Variants in THOC1 observed in about 807,000 individuals in gnomAD.
THOC1 encodes the protein THO complex subunit 1.
Under a neutral mutation model 97.3 loss-of-function variants are expected in THOC1, and 29 were observed. The observed-to-expected ratio is 0.30, with a 90% CI of 0.22 to 0.41. The LOEUF (loss-of-function observed/expected upper bound fraction) is 0.41, where lower values mean the gene tolerates loss of function less well. Ranked by LOEUF, THOC1 falls within the 10% of genes least tolerant of loss-of-function variation. The probability of loss-of-function intolerance (pLI) is 1.00; values close to 1 mark genes in which losing one functional copy is unlikely to be tolerated. For missense variants in THOC1, 529 were observed against 761.9 expected, an observed-to-expected ratio of 0.69 and a Z score of 3.60; for synonymous variants, 255 against 257.0, an observed-to-expected ratio of 0.99 and a Z score of 0.07.
intron 18 of THOC1, among the ~76,000 whole-genome samples, chr18:218,561 A>C (rs1910972615): frequency 6.6e-6 from 1 of 152,224 alleles, no homozygotes. Flanking sequence ...TAAGGGGAAC[A>C]GGATAGGTTA....
At chr18:236,350 C>CTTTTTTT (rs71174215) in intron 11 of THOC1, among the ~76,000 whole-genome samples, 1 of 88,374 alleles carries the variant, frequency 1.1e-5, no homozygotes. Flanking sequence ...GAATAAGATT[C>CTTTTTTT]TTTTTTTTTT....
At chr18:246,821 A>G (rs966352742) in intron 10 of THOC1, among the ~76,000 whole-genome samples, 2 of 151,584 alleles carry the variant, frequency 1.3e-5, no homozygotes, top group African/African-American at 2.4e-5. Context: ...GACTAAAAAT[A>G]CAAAAATTAG....
intron 11 of THOC1, among the ~76,000 whole-genome samples, chr18:241,676 G>A (rs1911906699): frequency 6.6e-6 from 1 of 152,178 alleles, no homozygotes; most frequent in African/African-American, 2.4e-5. Context: ...TCTTTTCTGT[G>A]AGAACTTAAA....
In THOC1 at chr18:225,118, C is replaced by T. The variant is rs749332430; in HGVS notation, c.1108G>A (p.Asp370Asn). The T allele has an allele frequency of 1.2e-5, 19 of 1,576,854 alleles. No homozygotes were observed. The highest frequency in any genetic ancestry group is 7.0e-5 in the South Asian group (6 of 86,036). ...VYQLLSENPP[D>N]GERFSKMVEH... ...ACCATCTTTGAAAATCTTTCTCCAT[C>T]GGGGGGGTTTTCAGATAGTAGCTGT... Residue 370 changes from aspartate (D) to asparagine (N), a missense_variant, in exon 14 of 21, where the codon GAT becomes AAT. Physicochemically the swap from Asp to Asn is conservative, Grantham distance 23. Coordinates refer to ENST00000261600, the MANE Select transcript of THOC1 (RefSeq NM_005131.3).
At chr18:230,734 TTTCA>T (rs374504837) in intron 11 of THOC1, among the ~76,000 whole-genome samples, 21 of 152,266 alleles carry the variant, frequency 1.4e-4, no homozygotes, top group African/African-American at 5.1e-4. Context: ...GGGTCAAACA[TTTCA>T]TTATTATTAT....
chr18:217,717 C>A (rs531088955), intron 18 of THOC1, among the ~76,000 whole-genome samples: 2 of 152,136 alleles, frequency 1.3e-5, no homozygotes, highest in South Asian at 4.1e-4. Flanking sequence ...ATAAAAACCA[C>A]GAGAATGCAA....
intron 17 of THOC1, among the ~76,000 whole-genome samples, chr18:222,369 T>TA (rs759765138): frequency 2.6e-5 from 4 of 152,238 alleles, no homozygotes; most frequent in Non-Finnish European, 5.9e-5. Flanking sequence ...ACAGCTTTTT[T>TA]ACTGGGGACT....
At chr18:226,517 G>A (rs996278573) in intron 12 of THOC1, 1 of 295,268 alleles carries the variant, frequency 3.4e-6, no homozygotes, top group African/African-American at 2.2e-5. Context: ...AGGTGAGAAG[G>A]GAATGACGGA....
intron 18 of THOC1, among the ~76,000 whole-genome samples, chr18:217,353 T>C (rs1228884457): frequency 1.3e-5 from 2 of 152,236 alleles, no homozygotes; most frequent in Non-Finnish European, 2.9e-5. Flanking sequence ...CTCTGACATA[T>C]CTGTTTAGAC....
At chr18:228,714 A>AGGT (rs2143183872) in intron 11 of THOC1, among the ~76,000 whole-genome samples, 1 of 152,314 alleles carries the variant, frequency 6.6e-6, no homozygotes, top group South Asian at 2.1e-4. Context: ...GCAACCTTGA[A>AGGT]TAAACCAACT....
At chr18:228,226 T>G (rs1441123869) in intron 11 of THOC1, among the ~76,000 whole-genome samples, 7 of 152,148 alleles carry the variant, frequency 4.6e-5, no homozygotes, top group Non-Finnish European at 2.9e-5. Context: ...GCCCCAGATC[T>G]GAAGTCTTCA....
At chr18:227,026 A>G (rs569249742) in intron 11 of THOC1, 125 bp from the exon 12 acceptor site, 80 of 741,692 alleles carry the variant, frequency 1.1e-4, no homozygotes, top group Non-Finnish European at 1.7e-4. Flanking sequence ...ATTTGTTGAG[A>G]GTTCACTGCA....
At chr18:216,260 A>C (rs1470707925) in intron 19 of THOC1, 1 of 489,208 alleles carries the variant, frequency 2.0e-6, no homozygotes, top group Non-Finnish European at 3.6e-6. Flanking sequence ...AGCCCTGTTG[A>C]ACTTTAAATT....
At chr18:221,896 C>A (rs1298826527) in intron 17 of THOC1, among the ~76,000 whole-genome samples, 1 of 152,152 alleles carries the variant, frequency 6.6e-6, no homozygotes, top group Non-Finnish European at 1.5e-5. Flanking sequence ...GTATGAGCCA[C>A]CGCGCCTGGC....
rs1488060296 is a variant in THOC1 at position 242,567 on chromosome 18, G to A, written c.918+3757C>T. ...TCTGGATAATATTCCCATTGGATGG[G>A]GTCACGGCTCTATTACAGAGATGAA... On this transcript the variant is annotated intron_variant, in intron 11 of 20. Coordinates refer to ENST00000261600, the MANE Select transcript of THOC1 (RefSeq NM_005131.3). The surrounding 1 kb of genome is among the most constrained non-coding windows in gnomAD (Gnocchi z 4.5). 1.3e-5 allele frequency among the ~76,000 whole-genome samples: 2 copies of A among 152,184 alleles called. No homozygotes were observed. The highest frequency in any genetic ancestry group is 4.8e-5 in the African/African-American group (2 of 41,430).
At chr18:219,544 T>C (rs1478988340) in intron 17 of THOC1, among the ~76,000 whole-genome samples, 1 of 152,206 alleles carries the variant, frequency 6.6e-6, no homozygotes, top group Non-Finnish European at 1.5e-5. Flanking sequence ...CCCCATACTT[T>C]TAGTTACAGT....
At position 252,043 on chromosome 18, in the gene THOC1, AT is replaced by A. The variant is rs199780902; in HGVS notation, c.677+495del. Among the ~76,000 whole-genome samples, 1,101 of 152,344 alleles carry A rather than the reference AT, an allele frequency of 7.2e-3. 11 individuals are homozygous for A. Among genetic ancestry groups the A allele is most frequent in the African/African-American group, 0.025 (1,033 of 41,578 alleles). ...TATGGGAAAATTGATTTCATCATAC[AT>A]CATTTCACTTAATGTTGCAGTTTCT... On this transcript the variant is annotated intron_variant, in intron 9 of 20. Transcript: ENST00000261600.
At chr18:267,884 G>T (rs368555076) in intron 1 of THOC1, 82 bp downstream of exon 1, 1 of 1,438,938 alleles carries the variant, frequency 6.9e-7, no homozygotes, top group Non-Finnish European at 9.4e-7. Flanking sequence ...CTTTACCCCA[G>T]GGCAAAATTC....
chr18:239,557 C>T (rs868364504), intron 11 of THOC1, among the ~76,000 whole-genome samples: 65 of 152,284 alleles, frequency 4.3e-4, no homozygotes, highest in Middle Eastern at 6.8e-3. Flanking sequence ...CTGTCTGCCT[C>T]GGCCTCCCAG....
Sources: allele counts gnomAD v4.1 joint callset (sites outside exome capture counted in the v4.1 genomes callset), GRCh38; gene constraint gnomAD v4.1.1; non-coding constraint Gnocchi (gnomAD v3.1); transcripts MANE v1.5; gene names NCBI Gene and HGNC (gene_info 2026-07-23, HGNC 2026-07-21).